FAT3: variants seen among roughly 807,000 people sequenced by gnomAD.
FAT3 encodes protocadherin Fat 3.
A neutral mutation model predicts 310.2 loss-of-function variants in FAT3; 95 were observed. The ratio of observed to expected loss-of-function variants is 0.31; its 90% CI spans 0.26 to 0.36. FAT3 has a LOEUF of 0.36. Among genes scored for constraint, FAT3 ranks in the 10% least tolerant of loss-of-function variants. The pLI is 1.00. For missense variants in FAT3, 5,408 were observed against 5,715.6 expected, an observed-to-expected ratio of 0.95 and a Z score of 1.74; for synonymous variants, 2,314 against 2,192.9, an observed-to-expected ratio of 1.06 and a Z score of -1.54.
At position 92,376,210 on chromosome 11, in the gene FAT3, C is replaced by G. The variant is rs528641010; in HGVS notation, c.3292+20806C>G. On this transcript the variant is annotated intron_variant, in intron 2 of 27. Transcript: ENST00000525166. ...GAGTACTGGGATGTGGCAAAGTCTC[C>G]CCTGGAATTGACTGGCAGACCACTT... Among the ~76,000 whole-genome samples the G allele has an allele frequency of 8.5e-5, 13 of 152,224 alleles. No homozygotes were observed. The East Asian group carries it at 1.4e-3, about 16-fold the overall frequency.
At chr11:92,477,897 G>A (rs1591343274) in intron 2 of FAT3, among the ~76,000 whole-genome samples, 2 of 152,212 alleles carry the variant, frequency 1.3e-5, no homozygotes, top group Non-Finnish European at 2.9e-5. Context: ...CAACATGGCA[G>A]CATGGCACGG....
At chr11:92,830,160 A>G (rs2136254408) in intron 13 of FAT3, among the ~76,000 whole-genome samples, 1 of 152,320 alleles carries the variant, frequency 6.6e-6, no homozygotes, top group African/African-American at 2.4e-5. Context: ...TCAGCCCACA[A>G]AGCTGTTACA....
chr11:92,566,293 C>G (rs1955439950), intron 3 of FAT3, among the ~76,000 whole-genome samples: 1 of 152,080 alleles, frequency 6.6e-6, no homozygotes, highest in East Asian at 1.9e-4. Context: ...ACAATTGCTT[C>G]AAAGACAATA....
At chr11:92,599,287 T>G (rs894768812) in intron 3 of FAT3, among the ~76,000 whole-genome samples, 4 of 152,148 alleles carry the variant, frequency 2.6e-5, no homozygotes, top group Non-Finnish European at 5.9e-5. Context: ...AAACACGTCC[T>G]TCTTCACATG....
chr11:92,304,555 C>T (rs1320356276), intron 1 of FAT3, among the ~76,000 whole-genome samples: 1 of 152,028 alleles, frequency 6.6e-6, no homozygotes, highest in African/African-American at 2.4e-5. Flanking sequence ...AAATTTCGGT[C>T]TAATAGCTTA....
intron 3 of FAT3, among the ~76,000 whole-genome samples, chr11:92,663,072 T>A (rs1328727680): frequency 6.6e-6 from 1 of 152,166 alleles, no homozygotes; most frequent in Non-Finnish European, 1.5e-5. Context: ...AAGCACGTGT[T>A]CCGGAAGCCC....
chr11:92,387,723 C>T (rs1043944274), intron 2 of FAT3, among the ~76,000 whole-genome samples: 4 of 152,106 alleles, frequency 2.6e-5, no homozygotes, highest in African/African-American at 9.6e-5. Context: ...AAGGTTAAGG[C>T]GAGAAGATCC....
At chr11:92,867,910 TA>T (rs11388066) in intron 22 of FAT3, among the ~76,000 whole-genome samples, 2 of 151,302 alleles carry the variant, frequency 1.3e-5, no homozygotes, top group Non-Finnish European at 2.9e-5. Flanking sequence ...GAGTAGGCAT[TA>T]AAAAAAAGCA....
At chr11:92,621,899 T>G (rs1173218209) in intron 3 of FAT3, among the ~76,000 whole-genome samples, 1 of 152,180 alleles carries the variant, frequency 6.6e-6, no homozygotes, top group Non-Finnish European at 1.5e-5. Context: ...AAAAATCAGA[T>G]TTTGGCACAG....
intron 2 of FAT3, among the ~76,000 whole-genome samples, chr11:92,421,277 C>G (rs1841350118): frequency 6.6e-6 from 1 of 152,204 alleles, no homozygotes; most frequent in Middle Eastern, 3.4e-3. Context: ...TGCTGAGAGC[C>G]TAAACATTAA....
chr11:92,726,924 A>T (rs1400327822), intron 4 of FAT3, among the ~76,000 whole-genome samples: 2 of 152,094 alleles, frequency 1.3e-5, no homozygotes, highest in Admixed American at 6.6e-5. Context: ...CCTTACAGTT[A>T]AATCTATTCA....
intron 4 of FAT3, among the ~76,000 whole-genome samples, chr11:92,735,917 G>A (rs550915577): frequency 6.6e-6 from 1 of 152,094 alleles, no homozygotes; most frequent in African/African-American, 2.4e-5. Flanking sequence ...TCTCTGTGAG[G>A]TAGATATTGC....
chr11:92,746,368 A>T (rs561855726), intron 4 of FAT3, among the ~76,000 whole-genome samples: 1 of 152,278 alleles, frequency 6.6e-6, no homozygotes, highest in East Asian at 1.9e-4. Context: ...AAACCATCAG[A>T]TCCCATGAAA....
intron 3 of FAT3, chr11:92,559,507 CT>C: frequency 2.7e-6 from 1 of 366,144 alleles, no homozygotes; most frequent in Non-Finnish European, 5.5e-6. Context: ...GCCTCAGCCT[CT>C]TGAGTAGCTG....
intron 2 of FAT3, among the ~76,000 whole-genome samples, chr11:92,500,440 G>A (rs57867614): frequency 0.013 from 2,022 of 152,002 alleles, 51 homozygotes; most frequent in African/African-American, 0.046. Context: ...GCTGGCTAAC[G>A]TAATTAGGCT....
At chr11:92,876,616 C>G (rs1409981931) in intron 22 of FAT3, among the ~76,000 whole-genome samples, 2 of 152,180 alleles carry the variant, frequency 1.3e-5, no homozygotes, top group African/African-American at 2.4e-5. Flanking sequence ...CTCTGTGTTT[C>G]TTGCTGCCAG....
At chr11:92,408,879 TG>T (rs1489634569) in intron 2 of FAT3, among the ~76,000 whole-genome samples, 1 of 152,212 alleles carries the variant, frequency 6.6e-6, no homozygotes, top group African/African-American at 2.4e-5. Flanking sequence ...ACCTTGATTC[TG>T]TTCTTTCAAA....
At position 92,486,130 on chromosome 11, in the gene FAT3, G is replaced by GTTTTTTTTTTTTTTTTTTTTTTTT. The variant is rs71064714; in HGVS notation, c.3293-38499_3293-38476dup. ...GTGAAATAGAGGAGAGGCTGCTGGG[G>GTTTTTTTTTTTTTTTTTTTTTTTT]TTTTTTTTTTTTTTTTTTTTTTTTT... On this transcript the variant is annotated intron_variant, in intron 2 of 27. Transcript: ENST00000525166. Among the ~76,000 whole-genome samples the GTTTTTTTTTTTTTTTTTTTTTTTT allele has an allele frequency of 4.3e-4, 16 of 37,142 alleles. 2 individuals carry two copies. Among genetic ancestry groups the GTTTTTTTTTTTTTTTTTTTTTTTT allele is most frequent in the East Asian group, 3.0e-3 (2 of 676 alleles). 24.4% of individuals were successfully genotyped at this position (37,142 alleles called of 152,430 possible).
At chr11:92,403,506 G>C (rs150178289) in intron 2 of FAT3, 1 of 152,190 alleles carries the variant, frequency 6.6e-6, no homozygotes, top group Non-Finnish European at 1.5e-5. Flanking sequence ...ATGTAAATGT[G>C]ATAGGAGTTT....
Sources: allele counts gnomAD v4.1 joint callset (sites outside exome capture counted in the v4.1 genomes callset), GRCh38; gene constraint gnomAD v4.1.1; transcripts MANE v1.5; gene names NCBI Gene and HGNC (gene_info 2026-07-23, HGNC 2026-07-21).